NIPSNAP3A: variants seen among roughly 807,000 people sequenced by gnomAD.
NIPSNAP3A encodes the protein protein NipSnap homolog 3A.
Under a neutral mutation model 32.3 loss-of-function variants are expected in NIPSNAP3A, and 27 were observed. The ratio of observed to expected loss-of-function variants is 0.84; its 90% confidence interval spans 0.62 to 1.15. NIPSNAP3A has a LOEUF of 1.15. NIPSNAP3A is among the 50% of genes most tolerant of loss of function. NIPSNAP3A has a pLI of 0.00. For missense variants in NIPSNAP3A, 278 were observed against 297.2 expected (o/e 0.94, Z 0.48); for synonymous variants, 108 against 107.3 (o/e 1.01, Z -0.04).
intron 2 of NIPSNAP3A, among the ~76,000 whole-genome samples, chr9:104,752,562 C>T (rs1168600581): frequency 6.6e-6 from 1 of 152,156 alleles, no homozygotes; most frequent in Non-Finnish European, 1.5e-5. Flanking sequence ...TTAATTTAAT[C>T]CTCATACAAC....
intron 1 of NIPSNAP3A, among the ~76,000 whole-genome samples, chr9:104,748,502 CTT>C (rs1446710032): frequency 6.6e-6 from 1 of 152,206 alleles, no homozygotes; most frequent in Admixed American, 6.5e-5. Flanking sequence ...CAGACAGACT[CTT>C]TTAACCTTAG....
intron 4 of NIPSNAP3A, among the ~76,000 whole-genome samples, chr9:104,756,341 GA>G (rs946787710): frequency 8.7e-5 from 13 of 149,364 alleles, no homozygotes; most frequent in African/African-American, 2.7e-4. Flanking sequence ...AAACTATGAA[GA>G]AAAAAAAATC....
At chr9:104,756,654 T>A (rs1192961074) in intron 4 of NIPSNAP3A, among the ~76,000 whole-genome samples, 1 of 70,204 alleles carries the variant, frequency 1.4e-5, no homozygotes, top group Non-Finnish European at 4.8e-5. Context: ...AATAAAAGCC[T>A]TATTTTTATT....
chr9:104,759,193 G>A, intron 5 of NIPSNAP3A, 22 bp downstream of exon 5: 1 of 1,613,778 alleles, frequency 6.2e-7, no homozygotes, highest in Non-Finnish European at 8.5e-7. Flanking sequence ...GACTAGGCAT[G>A]AATTATTTTT....
chr9:104,759,492 TGTAA>T lies in NIPSNAP3A; in HGVS notation c.*158_*161del, dbSNP rs1326859004. ...CATTATGAAGGCTACATCTGTGCTTTGTAAGTACCACTTCAAAAAATAGTTCTGT... is the reference window on the plus strand; with the variant it reads ...CATTATGAAGGCTACATCTGTGCTTTGTACCACTTCAAAAAATAGTTCTGT... On this transcript the variant is annotated 3_prime_UTR_variant, in exon 6 of 6. Coordinates refer to ENST00000374767, the MANE Select transcript of NIPSNAP3A (RefSeq NM_015469.3). 9 of 689,112 alleles carry T rather than the reference TGTAA, an allele frequency of 1.3e-5. No homozygotes were observed. The Admixed American group carries it at 2.4e-4, about 18-fold the overall frequency. The allele number at this position is 689,112 out of a possible 1,614,324, so 42.7% of individuals were successfully genotyped here. A position where few individuals can be genotyped will look rare whatever the true frequency, so the allele number is the denominator to read the frequency against.
In NIPSNAP3A at chr9:104,752,915, C is replaced by T; in HGVS notation, c.281C>T (p.Ala94Val). 1.2e-6 allele frequency: 2 copies of T among 1,612,122 alleles called. No homozygotes were observed. The highest frequency in any genetic ancestry group is 1.7e-6 in the Non-Finnish European group (2 of 1,178,424). Residue 94 changes from alanine to valine, a missense_variant, in exon 3 of 6, where the codon GCT (alanine) becomes GTT (valine). By Grantham distance (64) the Ala-to-Val change is moderately conservative. Transcript: ENST00000374767. ...VFHIWKYDNFAHRTEVRKALA... is the reference protein window; with the variant it reads ...VFHIWKYDNFVHRTEVRKALA... ...TCTTTTCTTCCCACAGATAATTTTG[C>T]TCATCGAACTGAAGTTCGGAAAGCC...
intron 4 of NIPSNAP3A, among the ~76,000 whole-genome samples, chr9:104,755,340 T>A (rs1827894067): frequency 6.7e-6 from 1 of 149,372 alleles, no homozygotes; most frequent in South Asian, 2.1e-4. Context: ...AAAATAATAT[T>A]ATTTGGGGTA....
chr9:104,748,642 G>A (rs1249025495), intron 1 of NIPSNAP3A, among the ~76,000 whole-genome samples: 1 of 152,178 alleles, frequency 6.6e-6, no homozygotes, highest in Admixed American at 6.5e-5. Flanking sequence ...TGAAGGGGCA[G>A]GATGGGAAGG....
chr9:104,750,704 C>T (rs939237100), intron 1 of NIPSNAP3A, among the ~76,000 whole-genome samples: 1 of 152,160 alleles, frequency 6.6e-6, no homozygotes, highest in Non-Finnish European at 1.5e-5. Context: ...GTGGAGTGTG[C>T]TTTCATTTTC....
At chr9:104,750,116 A>AT (rs1056238149) in intron 1 of NIPSNAP3A, among the ~76,000 whole-genome samples, 6 of 152,088 alleles carry the variant, frequency 3.9e-5, no homozygotes, top group Admixed American at 1.3e-4. Flanking sequence ...TCTAGTAAAC[A>AT]TTTTTTTCAT....
chr9:104,757,160 GTT>G (rs2118759446), intron 4 of NIPSNAP3A, among the ~76,000 whole-genome samples: 1 of 152,198 alleles, frequency 6.6e-6, no homozygotes, highest in Non-Finnish European at 1.5e-5. Flanking sequence ...GAAAATGTGT[GTT>G]CATACACTTT....
chr9:104,749,369 A>G (rs1314815309), intron 1 of NIPSNAP3A, among the ~76,000 whole-genome samples: 1 of 152,246 alleles, frequency 6.6e-6, no homozygotes, highest in Admixed American at 6.5e-5. Flanking sequence ...ACACACGAAT[A>G]GAATTAACTC....
intron 4 of NIPSNAP3A, among the ~76,000 whole-genome samples, chr9:104,757,294 T>C (rs1220453562): frequency 6.6e-6 from 1 of 152,192 alleles, no homozygotes; most frequent in Non-Finnish European, 1.5e-5. Context: ...TCTTTGGTTC[T>C]GTCAACTTAA....
At position 104,754,636 on chromosome 9, in the gene NIPSNAP3A, T is replaced by G; in HGVS notation, c.516T>G (p.His172Gln). 1 of 1,614,064 alleles carries G rather than the reference T, an allele frequency of 6.2e-7. No homozygotes were observed. The highest frequency in any genetic ancestry group is 8.5e-7 in the Non-Finnish European group (1 of 1,179,912). ...GDAFKRAVHA[H>Q]VNLGYTKLVG... ...CATTTAAAAGGGCAGTTCATGCTCA[T>G]GTCAATCTAGGCTACACAAAACTAG... is the stretch of plus-strand genomic sequence containing the variant. Residue 172 changes from histidine (H) to glutamine (Q), a missense_variant, in exon 4 of 6, where the codon CAT becomes CAG. Physicochemically the swap from His to Gln is conservative, Grantham distance 24. Coordinates refer to ENST00000374767, the MANE Select transcript of NIPSNAP3A (RefSeq NM_015469.3).
chr9:104,758,993 AAAAG>A (rs78110010), intron 4 of NIPSNAP3A, 88 bp from the exon 5 acceptor site: 4 of 1,138,594 alleles, frequency 3.5e-6, no homozygotes, highest in Admixed American at 2.6e-5. Context: ...AAAAAAAAAA[AAAAG>A]AATAGGATGG....
At chr9:104,754,495 C>T (rs1041980958) in intron 3 of NIPSNAP3A, 56 bp from the exon 4 acceptor site, 2 of 1,484,004 alleles carry the variant, frequency 1.3e-6, no homozygotes, top group Non-Finnish European at 1.9e-6. Context: ...CACTGAGAAA[C>T]GTGATTGGAT....
At chr9:104,747,941 A>T (rs1460239279) in intron 1 of NIPSNAP3A, 89 bp downstream of exon 1, 7 of 1,279,820 alleles carry the variant, frequency 5.5e-6, no homozygotes, top group Non-Finnish European at 6.4e-6. Context: ...AGCAATGCGC[A>T]TGCGCTCTCC....
At position 104,752,953 on chromosome 9, in the gene NIPSNAP3A, A is replaced by G; in HGVS notation, c.319A>G (p.Lys107Glu). 1 of 1,613,002 alleles carries G rather than the reference A, an allele frequency of 6.2e-7. No homozygotes were observed. Among genetic ancestry groups the G allele is most frequent in the East Asian group, 2.2e-5 (1 of 44,866 alleles). The change falls in exon 3 of 6, where the codon AAG (lysine) becomes GAG (glutamate). Residue 107 changes from lysine (K) to glutamate (E), a missense_variant. By Grantham distance (56) the Lys-to-Glu change is moderately conservative (BLOSUM62 1). Transcript: ENST00000374767. ...AGTTCGGAAAGCCTTGGCCAAAGAT[A>G]AGGAATGGCAAGAACAATTCCTCAT... ...TEVRKALAKD[K>E]EWQEQFLIPN...
At position 104,754,640 on chromosome 9, in the gene NIPSNAP3A, A is replaced by G. The variant is rs1482363683; in HGVS notation, c.520A>G (p.Asn174Asp). 6.2e-7 allele frequency: 1 copy of G among 1,614,020 alleles called. No homozygotes were observed. Among genetic ancestry groups the G allele is most frequent in the Non-Finnish European group, 8.5e-7 (1 of 1,179,898 alleles). ...TAAAAGGGCAGTTCATGCTCATGTC[A>G]ATCTAGGCTACACAAAACTAGTTGG... is the stretch of plus-strand genomic sequence containing the variant. ...AFKRAVHAHV[N>D]LGYTKLVGVF... is the part of the protein sequence containing the mutation. The change falls in exon 4 of 6, where the codon AAT (asparagine) becomes GAT (aspartate). Residue 174 changes from asparagine to aspartate, a missense_variant. Physicochemically the swap from Asn to Asp is conservative, Grantham distance 23. Coordinates refer to ENST00000374767, the MANE Select transcript of NIPSNAP3A (RefSeq NM_015469.3).
Sources: allele counts gnomAD v4.1 joint callset (sites outside exome capture counted in the v4.1 genomes callset), GRCh38; gene constraint gnomAD v4.1.1; transcripts MANE v1.5; gene names NCBI Gene and HGNC (gene_info 2026-07-23, HGNC 2026-07-21).